Variants in LAMA2 observed in about 807,000 individuals in gnomAD.
LAMA2 encodes the protein laminin subunit alpha-2.
LAMA2 carries 269 observed loss-of-function variants against 364.8 expected under a neutral mutation model. The observed-to-expected ratio is 0.74, with a 90% CI of 0.67 to 0.82. The LOEUF is 0.82. Among genes scored for constraint, LAMA2 ranks in the 40% least tolerant of loss-of-function variants. The probability of loss-of-function intolerance (pLI) is 0.00; values close to 1 mark genes in which losing one functional copy is unlikely to be tolerated. For synonymous variants in LAMA2, 1,379 were observed against 1,370.6 expected (o/e 1.01, Z -0.14); for missense variants, 3,807 against 3,873.2 (o/e 0.98, Z 0.45).
Position 129,465,306 on chromosome 6 carries a change from AT to A in LAMA2, c.7300+18del. ...AAAAACAAGGTGAGTTTTTACAGTA[AT>A]AATGCAATATAGGCCTTAATCATGA... On this transcript the variant is annotated intron_variant, in intron 51 of 64. Coordinates refer to ENST00000421865, the MANE Select transcript of LAMA2 (RefSeq NM_000426.4). The A allele has an allele frequency of 6.3e-7, 1 of 1,586,386 alleles. No individual in the cohort carries two copies. The highest frequency in any genetic ancestry group is 1.3e-5 in the African/African-American group (1 of 74,360).
At chr6:129,112,784 A>G (rs1341589170) in intron 4 of LAMA2, among the ~76,000 whole-genome samples, 2 of 151,896 alleles carry the variant, frequency 1.3e-5, no homozygotes, top group Non-Finnish European at 2.9e-5. Flanking sequence ...TGCCACATAG[A>G]AAATGTGGAA....
At position 128,900,546 on chromosome 6, in the gene LAMA2, G is replaced by A. The variant is rs910422990; in HGVS notation, c.112+17189G>A. 5.1e-4 allele frequency among the ~76,000 whole-genome samples: 77 copies of A among 152,266 alleles called. 1 individual carries two copies. Among genetic ancestry groups the A allele is most frequent in the Non-Finnish European group, 1.3e-4 (9 of 68,028 alleles). On this transcript the variant is annotated intron_variant, in intron 1 of 64. Coordinates refer to ENST00000421865, the MANE Select transcript of LAMA2 (RefSeq NM_000426.4). ...TAACATCATGATACTGTCGGATGTAGGCAGTTACAATTTCTACTCAACGAT... is the reference window on the plus strand; with the variant it reads ...TAACATCATGATACTGTCGGATGTAAGCAGTTACAATTTCTACTCAACGAT...
At position 129,228,141 on chromosome 6, in the gene LAMA2, A is replaced by G. The variant is rs527478890; in HGVS notation, c.1783-21971A>G. On this transcript the variant is annotated intron_variant, in intron 12 of 64. Transcript: ENST00000421865. ...GGACCCTCCGAGCCAGGTGTGGGATATAATCTCCTGGTGTGCCGTTTGCTA... is the reference window on the plus strand; with the variant it reads ...GGACCCTCCGAGCCAGGTGTGGGATGTAATCTCCTGGTGTGCCGTTTGCTA... Among the ~76,000 whole-genome samples the G allele has an allele frequency of 5.9e-5, 9 of 152,308 alleles. No individual in the cohort carries two copies. In the South Asian group the frequency reaches 1.7e-3, roughly 28 times the overall value.
chr6:129,456,480 A>G lies in LAMA2; in HGVS notation c.6853A>G (p.Thr2285Ala). ...TGCAATGCTGTTTGTTGGTGGCCTG[A>G]CTGGGAAATTAAAGGTAATGTGTTC... ...ANAMLFVGGLTGKLKKADAVR... is the reference protein window; with the variant it reads ...ANAMLFVGGLAGKLKKADAVR... Residue 2285 changes from threonine to alanine, a missense_variant, in exon 48 of 65, where the codon ACT becomes GCT. Physicochemically the swap from Thr to Ala is moderately conservative, Grantham distance 58. This residue lies in a region of LAMA2 where 3,333 missense variants were observed against 3,345.7 expected (regional missense o/e 1.00). Coordinates refer to ENST00000421865, the MANE Select transcript of LAMA2 (RefSeq NM_000426.4). The G allele has an allele frequency of 6.2e-7, 1 of 1,613,390 alleles. No homozygotes were observed. Among genetic ancestry groups the G allele is most frequent in the Non-Finnish European group, 8.5e-7 (1 of 1,179,470 alleles).
At chr6:129,296,094 A>C (rs1170245518) in intron 20 of LAMA2, among the ~76,000 whole-genome samples, 1 of 151,896 alleles carries the variant, frequency 6.6e-6, no homozygotes, top group African/African-American at 2.4e-5. Flanking sequence ...ACTGCTTCAA[A>C]ACAGGATTTT....
At chr6:129,374,049 G>A (rs892584409) in intron 34 of LAMA2, among the ~76,000 whole-genome samples, 3 of 152,170 alleles carry the variant, frequency 2.0e-5, no homozygotes, top group Non-Finnish European at 4.4e-5. Context: ...TGAGAAGGGG[G>A]AGGAAATGTA....
intron 47 of LAMA2, 119 bp downstream of exon 47, chr6:129,454,407 A>G: frequency 1.3e-6 from 1 of 757,088 alleles, no homozygotes; most frequent in Non-Finnish European, 2.2e-6. Flanking sequence ...ATGTAAACAC[A>G]TGTGTATGAA....
At chr6:129,138,367 T>C (rs1583114105) in intron 4 of LAMA2, among the ~76,000 whole-genome samples, 2 of 151,914 alleles carry the variant, frequency 1.3e-5, no homozygotes, top group Admixed American at 1.3e-4. Flanking sequence ...TAACAAAATA[T>C]GAAGTAAAGG....
At chr6:129,408,675 G>A (rs1780370629) in intron 40 of LAMA2, among the ~76,000 whole-genome samples, 1 of 152,128 alleles carries the variant, frequency 6.6e-6, no homozygotes, top group African/African-American at 2.4e-5. Flanking sequence ...ATGCCAGACG[G>A]AGGGCTCAGT....
chr6:129,144,003 A>G lies in LAMA2; in HGVS notation c.742A>G (p.Ile248Val). 2 of 1,612,674 alleles carry G rather than the reference A, an allele frequency of 1.2e-6. No homozygotes were observed. The highest frequency in any genetic ancestry group is 1.7e-6 in the Non-Finnish European group (2 of 1,179,062). Residue 248 changes from isoleucine to valine, a missense_variant, in exon 5 of 65, where the codon ATC becomes GTC. Ile to Val is a conservative substitution (Grantham distance 29, BLOSUM62 3). Coordinates refer to ENST00000421865, the MANE Select transcript of LAMA2 (RefSeq NM_000426.4). The stretch of plus-strand genomic sequence containing the variant: ...CTATATTCGCCTGAGATTTCAGAGG[A>G]TCCGCACACTGAATGCTGACTTGAT... The part of the protein sequence containing the change: ...ARYIRLRFQR[I>V]RTLNADLMMF...
At chr6:129,158,505 A>C (rs1307023287) in intron 8 of LAMA2, 1 of 1,613,962 alleles carries the variant, frequency 6.2e-7, no homozygotes, top group African/African-American at 1.3e-5. Flanking sequence ...AAGGTCTTTT[A>C]GTGATTTTCC....
intron 55 of LAMA2, among the ~76,000 whole-genome samples, chr6:129,482,299 C>A (rs1397159036): frequency 6.6e-6 from 1 of 152,102 alleles, no homozygotes; most frequent in Non-Finnish European, 1.5e-5. Context: ...ATCAATTTTG[C>A]AAGGACATAA....
At chr6:129,244,871 A>G (rs1175112493) in intron 12 of LAMA2, among the ~76,000 whole-genome samples, 2 of 152,168 alleles carry the variant, frequency 1.3e-5, no homozygotes, top group African/African-American at 4.8e-5. Context: ...TGCACCATGC[A>G]CACTGTATTG....
chr6:128,906,512 T>C (rs1777482660), intron 1 of LAMA2, among the ~76,000 whole-genome samples: 1 of 139,732 alleles, frequency 7.2e-6, no homozygotes, highest in South Asian at 2.4e-4. Flanking sequence ...TTTGTTTGAG[T>C]TCATTGTAGA....
chr6:128,972,421 A>G (rs1290299424), intron 1 of LAMA2, among the ~76,000 whole-genome samples: 1 of 152,226 alleles, frequency 6.6e-6, no homozygotes, highest in Non-Finnish European at 1.5e-5. Flanking sequence ...TGTCTGCCTC[A>G]TGCTTGTTGT....
intron 12 of LAMA2, among the ~76,000 whole-genome samples, chr6:129,231,719 T>A (rs746867569): frequency 6.7e-6 from 1 of 150,022 alleles, no homozygotes; most frequent in Non-Finnish European, 1.5e-5. Context: ...TCTTTTTACA[T>A]TGATGATTAA....
chr6:129,228,285 G>A (rs1286735489), intron 12 of LAMA2, among the ~76,000 whole-genome samples: 1 of 152,102 alleles, frequency 6.6e-6, no homozygotes, highest in South Asian at 2.1e-4. Context: ...TCCCGGGTGA[G>A]GTGATGCCTC....
intron 1 of LAMA2, chr6:128,930,106 A>G: frequency 3.4e-6 from 1 of 291,726 alleles, no homozygotes; most frequent in Non-Finnish European, 6.3e-6. Flanking sequence ...CAGCCCGCAC[A>G]GGGCGGCGCC....
intron 12 of LAMA2, among the ~76,000 whole-genome samples, chr6:129,210,100 C>A (rs1357979832): frequency 1.3e-5 from 2 of 151,776 alleles, no homozygotes; most frequent in African/African-American, 4.8e-5. Context: ...AATCAGCTCC[C>A]CAAGTGATTA....
Sources: allele counts gnomAD v4.1 joint callset (sites outside exome capture counted in the v4.1 genomes callset), GRCh38; gene constraint gnomAD v4.1.1; regional missense constraint gnomAD v4.1.1; transcripts MANE v1.5; gene names NCBI Gene and HGNC (gene_info 2026-07-23, HGNC 2026-07-21).